CRISP1: variants seen among roughly 807,000 people sequenced by gnomAD.
CRISP1 encodes the protein cysteine rich secretory protein 1, also known as cysteine-rich secretory protein 1.
A neutral mutation model predicts 33.1 loss-of-function variants in CRISP1; 44 were observed. The observed-to-expected ratio is 1.33, with a 90% CI of 1.05 to 1.71. The LOEUF (loss-of-function observed/expected upper bound fraction) is 1.71. Among genes scored for constraint, CRISP1 ranks in the 40% most tolerant of loss-of-function variants. CRISP1 has a pLI of 0.00. For missense variants in CRISP1, 390 were observed against 301.2 expected (o/e 1.29, Z -2.18); for synonymous variants, 103 against 98.7 (o/e 1.04, Z -0.26).
intron 6 of CRISP1, among the ~76,000 whole-genome samples, chr6:49,840,080 TATGATGGCGTCA>T (rs1770933736): frequency 6.6e-6 from 1 of 152,212 alleles, no homozygotes; most frequent in African/African-American, 2.4e-5. Context: ...GAAGGAGATA[TATGATGGCGTCA>T]CTGACTTTTA....
At position 49,852,846 on chromosome 6, in the gene CRISP1, T is replaced by TTGTGTGTG. The variant is rs3056388; in HGVS notation, c.67-725_67-718dup. On this transcript the variant is annotated intron_variant, in intron 2 of 7. Transcript: ENST00000335847. Reference sequence around the variant, plus strand: ...GCATTAATCGCTATAAAGAGAATCTTTGTGTGTGTGTGTGTGTGTGTGTGT... The same window carrying TTGTGTGTG: ...GCATTAATCGCTATAAAGAGAATCTTTGTGTGTGTGTGTGTGTGTGTGTGTGTGTGTGT... 3.9e-3 allele frequency among the ~76,000 whole-genome samples: 568 copies of TTGTGTGTG among 145,548 alleles called. 7 individuals are homozygous for TTGTGTGTG. Among genetic ancestry groups the TTGTGTGTG allele is most frequent in the South Asian group, 0.021 (93 of 4,502 alleles).
At chr6:49,861,727 T>C (rs1183783234) in intron 1 of CRISP1, among the ~76,000 whole-genome samples, 1 of 151,850 alleles carries the variant, frequency 6.6e-6, no homozygotes, top group Admixed American at 6.6e-5. Context: ...CTACTAAAAA[T>C]ACAAAATATT....
intron 1 of CRISP1, among the ~76,000 whole-genome samples, chr6:49,859,841 C>A (rs2127476481): frequency 6.6e-6 from 1 of 152,048 alleles, no homozygotes; most frequent in East Asian, 1.9e-4. Context: ...TAAAATATGA[C>A]CCAACTGTAT....
chr6:49,838,452 C>T lies in CRISP1; in HGVS notation c.607G>A (p.Glu203Lys). The T allele has an allele frequency of 6.2e-7, 1 of 1,612,550 alleles. No individual in the cohort carries two copies. The highest frequency in any genetic ancestry group is 8.5e-7 in the Non-Finnish European group (1 of 1,179,138). The change falls in exon 7 of 8, where the codon GAA becomes AAA. Residue 203 changes from glutamate (E) to lysine (K), a missense_variant. Transcript: ENST00000335847. The part of the protein sequence containing the change: ...VPCEACPSNC[E>K]DKLCTNPCIY... ...ACAAACTTACTGCAAAGTTTGTCTT[C>T]ACAGTTACTTGGGCAGGCTTCACAT...
chr6:49,871,099 A>G (rs1026395766), upstream of CRISP1, among the ~76,000 whole-genome samples: 2 of 146,976 alleles, frequency 1.4e-5, no homozygotes, highest in Admixed American at 1.4e-4. Context: ...GGGAAACTCC[A>G]TCTCAAAACA....
At chr6:49,848,160 A>ATTTT (rs373553362) in intron 4 of CRISP1, 49 bp downstream of exon 4, 18,563 of 913,552 alleles carry the variant, frequency 0.02, 141 homozygotes, top group Non-Finnish European at 0.023. Context: ...CTGTTTTACT[A>ATTTT]TTTTTTTTTT....
intron 6 of CRISP1, 77 bp from the exon 7 acceptor site, chr6:49,838,602 A>G (rs1770882046): frequency 6.8e-6 from 7 of 1,030,690 alleles, no homozygotes; most frequent in Non-Finnish European, 1.0e-5. Context: ...GTGTACAACC[A>G]ATTTTAAAAA....
In CRISP1 at chr6:49,844,670, C is replaced by T. The variant is rs369850342; in HGVS notation, c.435+1850G>A. Among the ~76,000 whole-genome samples the T allele has an allele frequency of 2.0e-4, 30 of 150,626 alleles. 1 individual carries two copies. The East Asian group carries it at 5.8e-3, about 29-fold the overall frequency. On this transcript the variant is annotated intron_variant, in intron 5 of 7. Coordinates refer to ENST00000335847, the MANE Select transcript of CRISP1 (RefSeq NM_001131.3). ...GCTGCCTCCAAGTTGGCCAAGAGTG[C>T]AGAGCATCAAACCAAAGAGAATTAT...
At chr6:49,865,852 A>C (rs1362069625) in intron 1 of CRISP1, among the ~76,000 whole-genome samples, 1 of 152,184 alleles carries the variant, frequency 6.6e-6, no homozygotes, top group Non-Finnish European at 1.5e-5. Context: ...AGAAGTTTGG[A>C]CAGCTTAAAA....
At chr6:49,845,899 A>G (rs1771150243) in intron 5 of CRISP1, among the ~76,000 whole-genome samples, 2 of 152,188 alleles carry the variant, frequency 1.3e-5, no homozygotes, top group Admixed American at 1.3e-4. Flanking sequence ...CAAATATTGT[A>G]TGTTTCCAAA....
upstream of CRISP1, among the ~76,000 whole-genome samples, chr6:49,869,227 G>A (rs994257490): frequency 2.0e-5 from 3 of 152,072 alleles, no homozygotes; most frequent in Admixed American, 6.6e-5. Flanking sequence ...TGGCTTTCCT[G>A]CTTCCAAATT....
At chr6:49,857,466 C>G (rs1433386316) in intron 1 of CRISP1, 64 bp from the exon 2 acceptor site, 2 of 1,449,346 alleles carry the variant, frequency 1.4e-6, no homozygotes, top group East Asian at 4.7e-5. Flanking sequence ...TGGTAATAAA[C>G]TATTTAAACC....
chr6:49,870,342 G>A (rs1044592688), upstream of CRISP1, among the ~76,000 whole-genome samples: 16 of 152,140 alleles, frequency 1.1e-4, no homozygotes, highest in African/African-American at 3.9e-4. Context: ...TGAGGGTAGG[G>A]TGTAATAATA....
intron 4 of CRISP1, 49 bp downstream of exon 4, chr6:49,848,160 A>ATTTTTTT: frequency 1.1e-6 from 1 of 916,214 alleles, no homozygotes; most frequent in Non-Finnish European, 1.6e-6. Context: ...CTGTTTTACT[A>ATTTTTTT]TTTTTTTTTT....
chr6:49,853,439 T>A (rs530949257), intron 2 of CRISP1, among the ~76,000 whole-genome samples: 35 of 152,308 alleles, frequency 2.3e-4, no homozygotes, highest in African/African-American at 7.5e-4. Context: ...GACTTCAACA[T>A]CCACATGGAT....
At chr6:49,864,418 GTGTGTGTA>G (rs1411271241) in intron 1 of CRISP1, among the ~76,000 whole-genome samples, 3 of 151,196 alleles carry the variant, frequency 2.0e-5, no homozygotes, top group Non-Finnish European at 4.4e-5. Context: ...GTGTGTGTGT[GTGTGTGTA>G]TGTGTTTGGA....
chr6:49,848,158 CTA>C (rs1491232033), intron 4 of CRISP1, 49 bp downstream of exon 4: 41 of 940,402 alleles, frequency 4.4e-5, no homozygotes, highest in Non-Finnish European at 5.5e-5. Flanking sequence ...CCCTGTTTTA[CTA>C]TTTTTTTTTT....
At chr6:49,853,304 T>G (rs1771405096) in intron 2 of CRISP1, among the ~76,000 whole-genome samples, 2 of 152,128 alleles carry the variant, frequency 1.3e-5, no homozygotes, top group South Asian at 4.1e-4. Flanking sequence ...CTCTCACACC[T>G]CATTCCTGAA....
At chr6:49,861,765 G>C (rs1771660241) in intron 1 of CRISP1, among the ~76,000 whole-genome samples, 1 of 151,918 alleles carries the variant, frequency 6.6e-6, no homozygotes, top group Non-Finnish European at 1.5e-5. Flanking sequence ...CGCACCTATA[G>C]TCCTAGCTAC....
Sources: gnomAD v4.1 joint callset for allele counts (sites outside exome capture counted in the v4.1 genomes callset) on GRCh38, gnomAD v4.1.1 for gene constraint, MANE v1.5 for transcripts, NCBI Gene and HGNC (gene_info 2026-07-23, HGNC 2026-07-21) for gene names.